Variants in CCDC110 observed in about 807,000 individuals in gnomAD.
CCDC110 encodes coiled-coil domain containing 110.
A neutral mutation model predicts 77.1 loss-of-function variants in CCDC110; 70 were observed. That is an observed-to-expected ratio of 0.91 (90% CI 0.75 to 1.11). The LOEUF (loss-of-function observed/expected upper bound fraction) is 1.11. Among genes scored for constraint, CCDC110 ranks in the 50% least tolerant of loss-of-function variants. The probability of loss-of-function intolerance (pLI) is 0.00; values close to 1 mark genes in which losing one functional copy is unlikely to be tolerated. For missense variants in CCDC110, 868 were observed against 942.9 expected (o/e 0.92, Z 1.04); for synonymous variants, 295 against 312.5 (o/e 0.94, Z 0.59).
In CCDC110 at chr4:185,458,255, T is replaced by A; in HGVS notation, c.2332A>T (p.Ile778Phe). ...GAAGGGTCATTATGCTGATTACAAA[T>A]TTTATCACTTAAACTTAAATATTCT... ...QREYLSLSDKICNQHNDPSKT... is the reference protein window; with the variant it reads ...QREYLSLSDKFCNQHNDPSKT... Residue 778 changes from isoleucine to phenylalanine, a missense_variant, in exon 6 of 7, where the codon ATT becomes TTT. Transcript: ENST00000307588. 3.1e-6 allele frequency: 5 copies of A among 1,601,754 alleles called. No individual in the cohort carries two copies. Among genetic ancestry groups the A allele is most frequent in the Non-Finnish European group, 1.7e-6 (2 of 1,177,090 alleles).
intron 6 of CCDC110, among the ~76,000 whole-genome samples, chr4:185,453,646 C>T (rs1294793158): frequency 1.3e-5 from 2 of 150,568 alleles, no homozygotes; most frequent in Admixed American, 1.3e-4. Flanking sequence ...CTCCCAGGCT[C>T]AAGCAATCCT....
chr4:185,446,330 A>C (rs1431773612), intron 6 of CCDC110, among the ~76,000 whole-genome samples: 1 of 152,228 alleles, frequency 6.6e-6, no homozygotes, highest in Admixed American at 6.5e-5. Flanking sequence ...AAGACTTCAT[A>C]GTAAGTTGAT....
chr4:185,459,447 G>A lies in CCDC110; in HGVS notation c.1140C>T (p.Tyr380=), dbSNP rs2095641968. 2.5e-6 allele frequency: 4 copies of A among 1,613,330 alleles called. No individual in the cohort carries two copies. In the East Asian group the frequency reaches 8.9e-5, roughly 36 times the overall value. ...DLKFHSRVPR[Y]TLSFLDQTKH... ...TTGTTTGGTCGAGGAAGGACAGTGT[G>A]TATCTTGGAACTCTGGAATGGAATT... The change falls in exon 6 of 7, where the codon TAC becomes TAT. Residue 380 remains tyrosine (Y), a synonymous_variant. Coordinates refer to ENST00000307588, the MANE Select transcript of CCDC110 (RefSeq NM_152775.4).
rs1176222863 is a variant in CCDC110 at position 185,458,890 on chromosome 4, C to A, written c.1697G>T (p.Arg566Leu). The A allele has an allele frequency of 6.2e-7, 1 of 1,606,038 alleles. No individual in the cohort carries two copies. The highest frequency in any genetic ancestry group is 1.1e-5 in the South Asian group (1 of 88,632). The change falls in exon 6 of 7, where the codon CGA (arginine) becomes CTA (leucine). Residue 566 changes from arginine to leucine, a missense_variant. Coordinates refer to ENST00000307588, the MANE Select transcript of CCDC110 (RefSeq NM_152775.4). ...CATTGCTTCCATTTCTATACTCATT[C>A]GATTATTTTCATTATTTACAATGGC... ...DMAIVNNENN[R>L]MSIEMEAMKT... is the part of the protein sequence containing the mutation.
intron 2 of CCDC110, among the ~76,000 whole-genome samples, chr4:185,467,004 T>G (rs1217003982): frequency 1.3e-5 from 2 of 152,238 alleles, no homozygotes; most frequent in Non-Finnish European, 1.5e-5. Flanking sequence ...AGTTTGGGTC[T>G]GAGTGCTTCT....
intron 2 of CCDC110, among the ~76,000 whole-genome samples, chr4:185,469,456 AC>A (rs1443254804): frequency 2.7e-5 from 4 of 150,346 alleles, no homozygotes; most frequent in Admixed American, 2.0e-4. Context: ...TTTCTCCAGA[AC>A]CCTAAGCCTC....
At chr4:185,456,518 TAAAG>T (rs575066455) in intron 6 of CCDC110, among the ~76,000 whole-genome samples, 15 of 152,070 alleles carry the variant, frequency 9.9e-5, no homozygotes, top group East Asian at 1.9e-4. Flanking sequence ...GCAAGAATAA[TAAAG>T]AAAAAAGAAT....
rs201219859 is a variant in CCDC110 at position 185,448,865 on chromosome 4, A to AT, written c.2462-3324_2462-3323insA. On this transcript the variant is annotated intron_variant, in intron 6 of 6. Transcript: ENST00000307588. Reference sequence around the variant, plus strand: ...TGAGAAAGTTCTATGATGCTGTTAGAACTTTGGAACAGGGAGAAAGAGAAG... The same window carrying AT: ...TGAGAAAGTTCTATGATGCTGTTAGATACTTTGGAACAGGGAGAAAGAGAAG... Among the ~76,000 whole-genome samples the AT allele has an allele frequency of 2.6e-5, 3 of 114,730 alleles. No homozygotes were observed. The East Asian group carries it at 5.9e-4, about 22-fold the overall frequency. The allele number at this position is 114,730 out of a possible 152,430, so 75.3% of individuals were successfully genotyped here.
rs554672072 is a variant in CCDC110 at position 185,469,982 on chromosome 4, C to A, written c.115+963G>T. Among the ~76,000 whole-genome samples the A allele has an allele frequency of 2.6e-5, 4 of 152,294 alleles. No homozygotes were observed. In the South Asian group the frequency reaches 8.3e-4, roughly 32 times the overall value. On this transcript the variant is annotated intron_variant, in intron 2 of 6. Coordinates refer to ENST00000307588, the MANE Select transcript of CCDC110 (RefSeq NM_152775.4). The stretch of plus-strand genomic sequence containing the variant: ...TCTCCTGCCCCGTGCTCTGCTCCTT[C>A]CCCGGCATGTCCCCTCACAGCAGGC...
chr4:185,458,083 G>A (rs560268029), intron 6 of CCDC110, 43 bp downstream of exon 6: 14 of 1,334,492 alleles, frequency 1.0e-5, no homozygotes, highest in African/African-American at 1.5e-5. Flanking sequence ...TAGGCTAAAA[G>A]AATCTTAAAC....
At chr4:185,454,438 G>A (rs548713719) in intron 6 of CCDC110, among the ~76,000 whole-genome samples, 1 of 152,062 alleles carries the variant, frequency 6.6e-6, no homozygotes, top group South Asian at 2.1e-4. Flanking sequence ...AAATTGTCGG[G>A]CGTGGTGGCT....
rs34396844 is a variant in CCDC110 at position 185,459,161 on chromosome 4, A to G, written c.1426T>C (p.Tyr476His). 1.4e-5 allele frequency: 22 copies of G among 1,599,696 alleles called. No individual in the cohort carries two copies. In the South Asian group the frequency reaches 2.4e-4, roughly 17 times the overall value. The change falls in exon 6 of 7, where the codon TAT becomes CAT. Residue 476 changes from tyrosine (Y) to histidine (H), a missense_variant. By Grantham distance (83) the Tyr-to-His change is moderately conservative. Transcript: ENST00000307588. ...ACCAGATTCTTAAGTTGCTTTTCAT[A>G]TGTTTCAACTTTCTGTATGAGAGAT... ...TQSLIQKVETYEKQLKNLVEE... is the reference protein window; with the variant it reads ...TQSLIQKVETHEKQLKNLVEE...
At chr4:185,452,209 TTG>T (rs2095630201) in intron 6 of CCDC110, 1 of 985,338 alleles carries the variant, frequency 1.0e-6, no homozygotes, top group South Asian at 4.7e-5. Flanking sequence ...GCGTCCTCTA[TTG>T]ACAACTTACA....
intron 6 of CCDC110, among the ~76,000 whole-genome samples, chr4:185,450,570 A>C (rs548613835): frequency 5.9e-5 from 9 of 152,212 alleles, no homozygotes; most frequent in African/African-American, 2.2e-4. Flanking sequence ...AACATAGTGA[A>C]ACCCTGTCTC....
At chr4:185,461,992 G>A (rs1360933620) in intron 4 of CCDC110, among the ~76,000 whole-genome samples, 1 of 152,190 alleles carries the variant, frequency 6.6e-6, no homozygotes, top group Non-Finnish European at 1.5e-5. Context: ...CAGCTACTCA[G>A]GAGGCTGAGG....
rs766978872 is a variant in CCDC110 at position 185,458,206 on chromosome 4, C to T, written c.2381G>A (p.Arg794Lys). 3.1e-6 allele frequency: 5 copies of T among 1,606,974 alleles called. No homozygotes were observed. In the South Asian group the frequency reaches 3.4e-5, roughly 11 times the overall value. ...ATAGTTGTCAAAATGGAATTTCTCTCTTCTTGAAATGTAAGTTGTTTTTGA... is the reference window on the plus strand; with the variant it reads ...ATAGTTGTCAAAATGGAATTTCTCTTTTCTTGAAATGTAAGTTGTTTTTGA... ...DPSKTTYISR[R>K]EKFHFDNYTH... Residue 794 changes from arginine to lysine, a missense_variant, in exon 6 of 7, where the codon AGA becomes AAA. By Grantham distance (26) the Arg-to-Lys change is conservative. Coordinates refer to ENST00000307588, the MANE Select transcript of CCDC110 (RefSeq NM_152775.4).
chr4:185,456,205 T>C (rs1249652231), intron 6 of CCDC110, among the ~76,000 whole-genome samples: 1 of 152,144 alleles, frequency 6.6e-6, no homozygotes, highest in Non-Finnish European at 1.5e-5. Flanking sequence ...GAAAAATAAC[T>C]GAAAATCTCC....
rs192053175 is a variant in CCDC110, at chr4:185,461,067, C to T, written c.330G>A (p.Thr110=). Residue 110 remains threonine, a synonymous_variant, in exon 5 of 7, where the codon ACG becomes ACA. Transcript: ENST00000307588. The part of the protein sequence containing the change: ...FSSEKNLVFG[T]RIEKDLPTEN... ...AACATACCAAATCCTTTTCAATGCG[C>T]GTGCCAAACACCAGATTTTTTTCTG... The T allele has an allele frequency of 3.9e-5, 62 of 1,574,076 alleles. No individual in the cohort carries two copies. The highest frequency in any genetic ancestry group is 8.2e-5 in the African/African-American group (6 of 73,474).
chr4:185,453,427 A>G (rs2095631904), intron 6 of CCDC110, among the ~76,000 whole-genome samples: 1 of 152,194 alleles, frequency 6.6e-6, no homozygotes, highest in Non-Finnish European at 1.5e-5. Context: ...TTCCATATTA[A>G]TATGTTTTCA....
Sources: allele counts gnomAD v4.1 joint callset (sites outside exome capture counted in the v4.1 genomes callset), GRCh38; gene constraint gnomAD v4.1.1; transcripts MANE v1.5; gene names NCBI Gene and HGNC (gene_info 2026-07-23, HGNC 2026-07-21).